Variants in ANTXR1 observed in about 807,000 individuals in gnomAD.
ANTXR1 encodes the protein anthrax toxin receptor 1.
ANTXR1 carries 19 observed loss-of-function variants against 78.1 expected under a neutral mutation model. The observed-to-expected ratio is 0.24, with a 90% CI of 0.17 to 0.36. ANTXR1 has a LOEUF of 0.36. ANTXR1 is among the 10% of genes least tolerant of loss of function. ANTXR1 has a pLI of 1.00. For synonymous variants in ANTXR1, 273 were observed against 260.5 expected (o/e 1.05, Z -0.46); for missense variants, 518 against 718.6 (o/e 0.72, Z 3.19).
intron 3 of ANTXR1, among the ~76,000 whole-genome samples, chr2:69,049,023 C>T (rs1669855364): frequency 6.6e-6 from 1 of 151,912 alleles, no homozygotes; most frequent in African/African-American, 2.4e-5. Flanking sequence ...ACATTTTTTT[C>T]CCAGGCATTT....
intron 16 of ANTXR1, among the ~76,000 whole-genome samples, chr2:69,188,486 A>G (rs940663541): frequency 1.3e-5 from 2 of 152,248 alleles, no homozygotes; most frequent in African/African-American, 4.8e-5. Flanking sequence ...GAGTTTACAT[A>G]GAACTTCCAC....
At chr2:69,211,776 GCTT>G (rs1228576826) in intron 17 of ANTXR1, among the ~76,000 whole-genome samples, 1 of 152,174 alleles carries the variant, frequency 6.6e-6, no homozygotes, top group Non-Finnish European at 1.5e-5. Context: ...ACTAAGAAGG[GCTT>G]CCCCTAGTGC....
rs1368453954 is a variant in ANTXR1, at chr2:69,102,894, G to A, written c.756G>A (p.Val252=). 1.1e-5 allele frequency: 17 copies of A among 1,614,130 alleles called. No homozygotes were observed. The highest frequency in any genetic ancestry group is 7.7e-5 in the South Asian group (7 of 91,078). Residue 252 remains valine (V), a synonymous_variant, in exon 10 of 18, where the codon GTG becomes GTA. Coordinates refer to ENST00000303714, the MANE Select transcript of ANTXR1 (RefSeq NM_032208.3). ...RGNGFRHARN[V]DRVLCSFKIN... ...ACGGCTTCCGACATGCCCGCAACGT[G>A]GACAGGGTCCTCTGCAGCTTCAAGA...
chr2:69,048,107 T>C (rs894027716), intron 3 of ANTXR1, among the ~76,000 whole-genome samples: 8 of 152,186 alleles, frequency 5.3e-5, no homozygotes, highest in African/African-American at 1.9e-4. Flanking sequence ...AGTCCCTGGA[T>C]ACTCCAAGGA....
intron 17 of ANTXR1, among the ~76,000 whole-genome samples, chr2:69,203,545 T>C (rs1480846021): frequency 6.6e-6 from 1 of 152,000 alleles, no homozygotes; most frequent in Non-Finnish European, 1.5e-5. Context: ...CATCTTGGGA[T>C]TTTTTTTGCA....
rs75357982 is a variant in ANTXR1, at chr2:69,031,981, G to T, written c.153-8063G>T. Reference sequence around the variant, plus strand: ...GCTAAAGAGAAAAGCACAGTACAAAGTTCAAAATATTACCCCCATTATGTA... The same window carrying T: ...GCTAAAGAGAAAAGCACAGTACAAATTTCAAAATATTACCCCCATTATGTA... On this transcript the variant is annotated intron_variant, in intron 1 of 17. Coordinates refer to ENST00000303714, the MANE Select transcript of ANTXR1 (RefSeq NM_032208.3). 3.6e-4 allele frequency among the ~76,000 whole-genome samples: 54 copies of T among 152,100 alleles called. No homozygotes were observed. In the East Asian group the frequency reaches 0.01, roughly 29 times the overall value.
At chr2:69,027,907 T>C (rs894884570) in intron 1 of ANTXR1, among the ~76,000 whole-genome samples, 1 of 149,878 alleles carries the variant, frequency 6.7e-6, no homozygotes, top group Admixed American at 6.7e-5. Flanking sequence ...AAATATGAAG[T>C]GAGAAGGGAC....
intron 3 of ANTXR1, among the ~76,000 whole-genome samples, chr2:69,057,092 G>A (rs188521228): frequency 3.3e-5 from 5 of 151,886 alleles, no homozygotes; most frequent in Admixed American, 3.3e-4. Flanking sequence ...TAGCTGGTTG[G>A]CTCATTTTAA....
chr2:69,074,461 C>T (rs867368740), intron 6 of ANTXR1, among the ~76,000 whole-genome samples: 2 of 152,216 alleles, frequency 1.3e-5, no homozygotes, highest in Middle Eastern at 3.4e-3. Context: ...CACATACAAA[C>T]TTGGGAAAAT....
intron 10 of ANTXR1, chr2:69,103,567 A>G (rs977809491): frequency 6.3e-6 from 1 of 158,306 alleles, no homozygotes; most frequent in African/African-American, 2.4e-5. Context: ...AGTGCATTTC[A>G]TGAGAAAAAA....
intron 1 of ANTXR1, among the ~76,000 whole-genome samples, chr2:69,035,923 C>A (rs180996828): frequency 6.6e-6 from 1 of 152,270 alleles, no homozygotes; most frequent in East Asian, 1.9e-4. Context: ...AGGTGAACAT[C>A]AAAATGGTAT....
chr2:69,171,714 A>G (rs1009997079), intron 14 of ANTXR1, among the ~76,000 whole-genome samples: 20 of 152,216 alleles, frequency 1.3e-4, no homozygotes, highest in African/African-American at 4.8e-4. Flanking sequence ...CAGATCCAAC[A>G]TCTAGCCTAG....
At chr2:69,109,110 T>C (rs971500994) in intron 10 of ANTXR1, among the ~76,000 whole-genome samples, 2 of 152,130 alleles carry the variant, frequency 1.3e-5, no homozygotes, top group African/African-American at 2.4e-5. Flanking sequence ...AGTTTCTCTC[T>C]CTGTAAAATG....
At chr2:69,171,068 T>C (rs1273166656) in intron 14 of ANTXR1, among the ~76,000 whole-genome samples, 1 of 152,244 alleles carries the variant, frequency 6.6e-6, no homozygotes. Context: ...AAACACTCAA[T>C]GAGACCAAAA....
chr2:69,039,918 A>T, intron 1 of ANTXR1, 126 bp from the exon 2 acceptor site: 1 of 746,686 alleles, frequency 1.3e-6, no homozygotes, highest in African/African-American at 1.8e-5. Flanking sequence ...AAGTTACAGA[A>T]GTTTCAAGTA....
chr2:69,183,696 T>C (rs1674342802), intron 16 of ANTXR1, among the ~76,000 whole-genome samples: 1 of 149,476 alleles, frequency 6.7e-6, no homozygotes, highest in South Asian at 2.2e-4. Flanking sequence ...ATTACAGGCA[T>C]GGGCCACCAT....
chr2:69,088,132 G>A (rs1671113795), intron 8 of ANTXR1, among the ~76,000 whole-genome samples: 1 of 152,154 alleles, frequency 6.6e-6, no homozygotes, highest in African/African-American at 2.4e-5. Context: ...GCTAATTGCA[G>A]ACACTTTGAG....
At chr2:69,145,769 G>A in intron 12 of ANTXR1, 5 of 1,015,914 alleles carry the variant, frequency 4.9e-6, no homozygotes, top group Non-Finnish European at 5.9e-6. Context: ...AAACAGAAAG[G>A]AGCAGCAGTG....
chr2:69,035,522 C>G (rs953254897), intron 1 of ANTXR1, among the ~76,000 whole-genome samples: 1 of 152,166 alleles, frequency 6.6e-6, no homozygotes, highest in Non-Finnish European at 1.5e-5. Context: ...CCCTTGGAAT[C>G]CCAGGGTAAC....
Sources: gnomAD v4.1 joint callset for allele counts (sites outside exome capture counted in the v4.1 genomes callset) on GRCh38, gnomAD v4.1.1 for gene constraint, MANE v1.5 for transcripts, NCBI Gene and HGNC (gene_info 2026-07-23, HGNC 2026-07-21) for gene names.